The following TMEM178B variants were observed in gnomAD, a reference collection of about 807,000 sequenced individuals.
TMEM178B encodes the protein transmembrane protein 178B.
In TMEM178B, 5 loss-of-function variants were observed where a neutral mutation model predicts 31.0. The observed-to-expected ratio is 0.16, with a 90% CI of 0.08 to 0.34. TMEM178B has a LOEUF of 0.34. Ranked by LOEUF, TMEM178B falls within the 10% of genes least tolerant of loss-of-function variation. The pLI is 1.00. For missense variants in TMEM178B, 275 were observed against 400.3 expected, an observed-to-expected ratio of 0.69 and a Z score of 2.67; for synonymous variants, 164 against 164.0, an observed-to-expected ratio of 1.00 and a Z score of 0.00.
chr7:141,379,792 C>G (rs890353006), intron 2 of TMEM178B, among the ~76,000 whole-genome samples: 3 of 152,226 alleles, frequency 2.0e-5, no homozygotes, highest in Middle Eastern at 3.4e-3. Flanking sequence ...TCTCTTTCTC[C>G]CTTTCTTCCT....
At chr7:141,187,719 G>T (rs1388062414) in intron 1 of TMEM178B, among the ~76,000 whole-genome samples, 7 of 152,128 alleles carry the variant, frequency 4.6e-5, no homozygotes, top group African/African-American at 1.2e-4. Flanking sequence ...TTCATGTGTT[G>T]TTTGGCTGCA....
chr7:141,235,529 C>T (rs1050194281), intron 2 of TMEM178B, among the ~76,000 whole-genome samples: 1 of 152,180 alleles, frequency 6.6e-6, no homozygotes, highest in Non-Finnish European at 1.5e-5. Context: ...TTGAGGTCAT[C>T]TAATCTAACT....
chr7:141,133,382 A>G (rs937418642), intron 1 of TMEM178B, among the ~76,000 whole-genome samples: 5 of 152,112 alleles, frequency 3.3e-5, no homozygotes, highest in African/African-American at 9.7e-5. Context: ...CAACAAAGAT[A>G]TACTTACCAT....
Position 141,347,203 on chromosome 7 carries a change from G to A in TMEM178B, c.497-90405G>A, listed in dbSNP as rs569478873. ...CTCAGGTAGTTCTTGACAGCAGTGC[G>A]AGAACGAGAACAGCCTAATATACTC... On this transcript the variant is annotated intron_variant, in intron 2 of 3. Transcript: ENST00000565468. Among the ~76,000 whole-genome samples, 4 of 152,228 alleles carry A rather than the reference G, an allele frequency of 2.6e-5. No individual in the cohort carries two copies. The East Asian group carries it at 5.8e-4, about 22-fold the overall frequency.
Position 141,260,068 on chromosome 7 carries a change from G to C in TMEM178B, c.496+47364G>C, listed in dbSNP as rs902970346. ...TCAAGACCCCGATGTTTTATTTTCT[G>C]GATCTCTTTGTTGTATGTCTAGCTT... On this transcript the variant is annotated intron_variant, in intron 2 of 3. Transcript: ENST00000565468. Among the ~76,000 whole-genome samples, 5 of 152,132 alleles carry C rather than the reference G, an allele frequency of 3.3e-5. No homozygotes were observed. The East Asian group carries it at 9.7e-4, about 29-fold the overall frequency.
At chr7:141,288,745 A>G (rs1014963758) in intron 2 of TMEM178B, among the ~76,000 whole-genome samples, 15 of 152,204 alleles carry the variant, frequency 9.9e-5, no homozygotes, top group Non-Finnish European at 1.8e-4. Flanking sequence ...CAGGCAGCGA[A>G]TACCAGGCTC....
intron 2 of TMEM178B, among the ~76,000 whole-genome samples, chr7:141,308,960 C>T (rs1030699801): frequency 4.6e-5 from 7 of 152,136 alleles, no homozygotes; most frequent in African/African-American, 1.7e-4. Flanking sequence ...TTACTGAGTA[C>T]TCCAGGGGAG....
intron 2 of TMEM178B, among the ~76,000 whole-genome samples, chr7:141,277,061 T>C (rs1220708038): frequency 6.6e-6 from 1 of 152,188 alleles, no homozygotes; most frequent in Non-Finnish European, 1.5e-5. Context: ...CCCAGGACAT[T>C]ACTATACACT....
At chr7:141,466,628 ATAT>A (rs1802151930) in intron 3 of TMEM178B, among the ~76,000 whole-genome samples, 1 of 152,116 alleles carries the variant, frequency 6.6e-6, no homozygotes, top group Non-Finnish European at 1.5e-5. Flanking sequence ...GAAACAGTTT[ATAT>A]AAAGTCCTTG....
intron 1 of TMEM178B, among the ~76,000 whole-genome samples, chr7:141,167,549 G>A (rs547040147): frequency 2.6e-5 from 4 of 152,340 alleles, no homozygotes; most frequent in East Asian, 1.9e-4. Flanking sequence ...CAAAGGGCCT[G>A]GATCTATGTC....
the TMEM178B span, among the ~76,000 whole-genome samples, chr7:141,494,207 C>A: frequency 1.0e-3 from 154 of 152,338 alleles, 1 homozygote; most frequent in African/African-American, 3.5e-3. Flanking sequence ...GATCCCCTGA[C>A]TCTGCCATTT....
At chr7:141,314,815 A>G (rs762293111) in intron 2 of TMEM178B, among the ~76,000 whole-genome samples, 3 of 152,116 alleles carry the variant, frequency 2.0e-5, no homozygotes, top group Non-Finnish European at 2.9e-5. Context: ...TGAGACCTCA[A>G]TCACCCTAAT....
chr7:141,363,559 C>A lies in TMEM178B; in HGVS notation c.497-74049C>A, dbSNP rs556883825. 2.1e-3 allele frequency among the ~76,000 whole-genome samples: 316 copies of A among 152,322 alleles called. 2 individuals are homozygous for A. Among genetic ancestry groups the A allele is most frequent in the African/African-American group, 7.3e-3 (304 of 41,574 alleles). On this transcript the variant is annotated intron_variant, in intron 2 of 3. Coordinates refer to ENST00000565468, the MANE Select transcript of TMEM178B (RefSeq NM_001195278.2). ...CTTGAACGCAATTCTCTGATTCTAA[C>A]TGCAGTGCTATTTCTGCTCTCTGAG...
chr7:141,219,510 T>C (rs1418203767), intron 2 of TMEM178B, among the ~76,000 whole-genome samples: 1 of 152,142 alleles, frequency 6.6e-6, no homozygotes, highest in East Asian at 1.9e-4. Flanking sequence ...ACCACCTCCT[T>C]GCCCCAGAAC....
intron 3 of TMEM178B, among the ~76,000 whole-genome samples, chr7:141,453,693 G>A (rs1418511372): frequency 6.6e-6 from 1 of 152,214 alleles, no homozygotes; most frequent in African/African-American, 2.4e-5. Flanking sequence ...TGAGGCTGAA[G>A]CAGGAATGCC....
intron 2 of TMEM178B, among the ~76,000 whole-genome samples, chr7:141,429,308 TACACACACAC>T (rs3039921): frequency 2.8e-3 from 419 of 149,738 alleles, no homozygotes; most frequent in Non-Finnish European, 5.0e-3. Flanking sequence ...GAAAATGTAA[TACACACACAC>T]ACACACACAC....
In TMEM178B at chr7:141,174,312, A is replaced by G. The variant is rs1485196889; in HGVS notation, c.383-38279A>G. 2.0e-5 allele frequency among the ~76,000 whole-genome samples: 3 copies of G among 152,172 alleles called. No homozygotes were observed. In the East Asian group the frequency reaches 5.8e-4, roughly 29 times the overall value. On this transcript the variant is annotated intron_variant, in intron 1 of 3. Transcript: ENST00000565468. The stretch of plus-strand genomic sequence containing the variant: ...TGAACTCATCCTTTTTTATGGCTGC[A>G]TAGTGTTCCATGGTGTATATGTGCC...
chr7:141,462,023 C>T (rs1303733345), intron 3 of TMEM178B, among the ~76,000 whole-genome samples: 1 of 152,160 alleles, frequency 6.6e-6, no homozygotes, highest in African/African-American at 2.4e-5. Flanking sequence ...TTTCTGTTTC[C>T]TCTGGCTAAC....
At chr7:141,403,284 C>T (rs1045496323) in intron 2 of TMEM178B, among the ~76,000 whole-genome samples, 1 of 152,214 alleles carries the variant, frequency 6.6e-6, no homozygotes, top group Non-Finnish European at 1.5e-5. Flanking sequence ...CTCTCTACTA[C>T]TTGTGTGATC....
Sources: allele counts gnomAD v4.1 joint callset (sites outside exome capture counted in the v4.1 genomes callset), GRCh38; gene constraint gnomAD v4.1.1; transcripts MANE v1.5; gene names NCBI Gene and HGNC (gene_info 2026-07-23, HGNC 2026-07-21).